The following DCUN1D5 variants were observed in gnomAD, a reference collection of about 807,000 sequenced individuals.
DCUN1D5 encodes defective in cullin neddylation 1 domain containing 5.
DCUN1D5 carries 10 observed loss-of-function variants against 38.3 expected under a neutral mutation model. The ratio of observed to expected loss-of-function variants is 0.26; its 90% confidence interval spans 0.16 to 0.44. The LOEUF is 0.44. DCUN1D5 is among the 20% of genes least tolerant of loss of function. The pLI is 1.00. For synonymous variants in DCUN1D5, 93 were observed against 90.9 expected (o/e 1.02, Z -0.13); for missense variants, 148 against 275.3 (o/e 0.54, Z 3.27).
intron 4 of DCUN1D5, among the ~76,000 whole-genome samples, chr11:103,076,606 A>C (rs1344242249): frequency 6.6e-6 from 1 of 152,168 alleles, no homozygotes; most frequent in African/African-American, 2.4e-5. Context: ...CTGTTTCCTC[A>C]TTTTTAAAAC....
In DCUN1D5 at chr11:103,063,122, A is replaced by G. The variant is rs1370483644; in HGVS notation, c.659-708T>C. ...GACAGACATGTTTCTCTATCGTAAGAAAAGCAGCAGAGCACATATGATAAT... is the reference window on the plus strand; with the variant it reads ...GACAGACATGTTTCTCTATCGTAAGGAAAGCAGCAGAGCACATATGATAAT... On this transcript the variant is annotated intron_variant, in intron 7 of 7. Transcript: ENST00000260247. The surrounding 1 kb of genome is among the most constrained non-coding windows in gnomAD (Gnocchi z 4.6). Among the ~76,000 whole-genome samples, 1 of 152,126 alleles carries G rather than the reference A, an allele frequency of 6.6e-6. No individual in the cohort carries two copies. Among genetic ancestry groups the G allele is most frequent in the Non-Finnish European group, 1.5e-5 (1 of 67,982 alleles).
At position 103,051,116 on chromosome 11, in the gene DCUN1D5, T is replaced by C. The variant is rs894708087; in HGVS notation, c.*11243A>G. On this transcript the variant is annotated 3_prime_UTR_variant, in exon 8 of 8. Coordinates refer to ENST00000260247, the MANE Select transcript of DCUN1D5 (RefSeq NM_032299.4). Reference sequence around the variant, plus strand: ...AAGCTTACCATCACCAATTCATACATTGGAAGTTCAAGAACCAGATTTCCC... The same window carrying C: ...AAGCTTACCATCACCAATTCATACACTGGAAGTTCAAGAACCAGATTTCCC... 2.6e-5 allele frequency: 4 copies of C among 152,316 alleles called. No homozygotes were observed. The East Asian group carries it at 5.8e-4, about 22-fold the overall frequency. 9.4% of individuals were successfully genotyped at this position (152,316 alleles called of 1,614,324 possible).
chr11:103,082,701 G>T, intron 4 of DCUN1D5, 47 bp downstream of exon 4: 1 of 1,221,400 alleles, frequency 8.2e-7, no homozygotes, highest in Non-Finnish European at 1.2e-6. Flanking sequence ...TATCAATTAA[G>T]ATCTTCAAAT....
rs951130886 is a variant in DCUN1D5 at position 103,077,795 on chromosome 11, C to G, written c.341+4953G>C. ...CACAAAGTTCTGGATTTAGAACTTC[C>G]TCTAAATAAGCTTTCTCAACCAGAA... On this transcript the variant is annotated intron_variant, in intron 4 of 7. Transcript: ENST00000260247. The surrounding 1 kb of genome is among the most constrained non-coding windows in gnomAD (Gnocchi z 4.3). Among the ~76,000 whole-genome samples the G allele has an allele frequency of 6.6e-6, 1 of 152,128 alleles. No individual in the cohort carries two copies. The highest frequency in any genetic ancestry group is 2.4e-5 in the African/African-American group (1 of 41,406).
intron 4 of DCUN1D5, among the ~76,000 whole-genome samples, chr11:103,079,693 A>G (rs750563128): frequency 3.3e-5 from 5 of 151,678 alleles, no homozygotes; most frequent in African/African-American, 7.3e-5. Flanking sequence ...CTGAAGTGGG[A>G]GGATTACTTG....
At chr11:103,088,778 G>T (rs1015234321) in intron 2 of DCUN1D5, among the ~76,000 whole-genome samples, 2 of 152,166 alleles carry the variant, frequency 1.3e-5, no homozygotes, top group African/African-American at 4.8e-5. Context: ...TAACTGAGGG[G>T]TTTAAATCTT....
At chr11:103,069,214 T>C (rs1292847041) in intron 4 of DCUN1D5, among the ~76,000 whole-genome samples, 1 of 152,204 alleles carries the variant, frequency 6.6e-6, no homozygotes, top group Admixed American at 6.5e-5. Flanking sequence ...TCTGGGTTTC[T>C]TTTTGCCTAA....
intron 4 of DCUN1D5, among the ~76,000 whole-genome samples, chr11:103,074,747 G>T (rs946129866): frequency 6.6e-6 from 1 of 152,010 alleles, no homozygotes; most frequent in Non-Finnish European, 1.5e-5. Flanking sequence ...TTAATTATTC[G>T]GAGTCTGATA....
rs535306493 is a variant in DCUN1D5 at position 103,086,408 on chromosome 11, G to A, written c.178+2819C>T. Among the ~76,000 whole-genome samples the A allele has an allele frequency of 4.0e-5, 6 of 151,886 alleles. No individual in the cohort carries two copies. The highest frequency in any genetic ancestry group is 2.0e-4 in the Admixed American group (3 of 15,278). ...AAAATTATTGGCTTCATTTTAATAC[G>A]GACATACCCATTTCAAGACAGAACA... On this transcript the variant is annotated intron_variant, in intron 2 of 7. Transcript: ENST00000260247. The surrounding 1 kb of genome is among the most constrained non-coding windows in gnomAD (Gnocchi z 4.1).
Position 103,092,109 on chromosome 11 carries a change from A to G in DCUN1D5, c.-237T>C. 1 of 487,708 alleles carries G rather than the reference A, an allele frequency of 2.1e-6. No homozygotes were observed. 30.2% of individuals were successfully genotyped at this position (487,708 alleles called of 1,614,324 possible). A position where few individuals can be genotyped will look rare whatever the true frequency, so the allele number is the denominator to read the frequency against. On this transcript the variant is annotated 5_prime_UTR_variant, in exon 1 of 8. Coordinates refer to ENST00000260247, the MANE Select transcript of DCUN1D5 (RefSeq NM_032299.4). The stretch of plus-strand genomic sequence containing the variant: ...CCGGTGGACACTGCGGTTCGTTCTC[A>G]CCGGGAGGAGATAACGCGGACAGCG...
At position 103,087,463 on chromosome 11, in the gene DCUN1D5, C is replaced by G. The variant is rs1168338077; in HGVS notation, c.178+1764G>C. 6.6e-6 allele frequency among the ~76,000 whole-genome samples: 1 copy of G among 152,114 alleles called. No homozygotes were observed. The highest frequency in any genetic ancestry group is 1.5e-5 in the Non-Finnish European group (1 of 68,022). On this transcript the variant is annotated intron_variant, in intron 2 of 7. Transcript: ENST00000260247. The surrounding 1 kb of genome is among the most constrained non-coding windows in gnomAD (Gnocchi z 4.1). ...GAGATTACAGACGTGAGCCACCACA[C>G]CCGGCTGAAACCCCATTTCTACAAA...
chr11:103,079,161 A>G (rs150938724), intron 4 of DCUN1D5, among the ~76,000 whole-genome samples: 1 of 152,274 alleles, frequency 6.6e-6, no homozygotes, highest in African/African-American at 2.4e-5. Flanking sequence ...CATGCGCCTT[A>G]TGAGAATCTA....
chr11:103,064,446 T>C lies in DCUN1D5; in HGVS notation c.556-69A>G. 8.2e-7 allele frequency: 1 copy of C among 1,225,016 alleles called. No individual in the cohort carries two copies. Among genetic ancestry groups the C allele is most frequent in the Non-Finnish European group, 1.1e-6 (1 of 892,722 alleles). The allele number at this position is 1,225,016 out of a possible 1,614,324, so 75.9% of individuals were successfully genotyped here. On this transcript the variant is annotated intron_variant, in intron 6 of 7. Transcript: ENST00000260247. This position sits in a 1 kb window ranked among gnomAD's most constrained non-coding sequence, Gnocchi z 4.5. ...ACATCATTTACTCAATTTAGTAAAC[T>C]AAGTTTTAACTGTTTTTGTGATTTG...
rs1861835227 is a variant in DCUN1D5 at position 103,054,892 on chromosome 11, G to A, written c.*7467C>T. ...GCACTAGAAAAAAACATAGTAGATG[G>A]CAAACCTGTCACATAAGAAACAACT... On this transcript the variant is annotated 3_prime_UTR_variant, in exon 8 of 8. Transcript: ENST00000260247. The A allele has an allele frequency of 2.0e-5, 3 of 152,014 alleles. 1 individual carries two copies. In the South Asian group the frequency reaches 6.2e-4, roughly 31 times the overall value. 9.4% of individuals were successfully genotyped at this position (152,014 alleles called of 1,614,324 possible). A position where few individuals can be genotyped will look rare whatever the true frequency, so the allele number is the denominator to read the frequency against.
intron 4 of DCUN1D5, among the ~76,000 whole-genome samples, chr11:103,069,471 G>T (rs755928123): frequency 6.6e-6 from 1 of 152,148 alleles, no homozygotes; most frequent in Non-Finnish European, 1.5e-5. Context: ...CCCTTACCAG[G>T]ATATAATAAA....
In DCUN1D5 at chr11:103,064,649, T is replaced by G. The variant is rs748183497; in HGVS notation, c.556-272A>C. The stretch of plus-strand genomic sequence containing the variant: ...TAACTTTTTCATATGTATATACTTG[T>G]GTTACCACCAATGAGATCAAGATAT... On this transcript the variant is annotated intron_variant, in intron 6 of 7. Coordinates refer to ENST00000260247, the MANE Select transcript of DCUN1D5 (RefSeq NM_032299.4). The surrounding 1 kb of genome is among the most constrained non-coding windows in gnomAD (Gnocchi z 4.5). Among the ~76,000 whole-genome samples the G allele has an allele frequency of 3.9e-5, 6 of 152,224 alleles. No homozygotes were observed. The highest frequency in any genetic ancestry group is 8.8e-5 in the Non-Finnish European group (6 of 68,032).
At position 103,072,778 on chromosome 11, in the gene DCUN1D5, G is replaced by A. The variant is rs1305970987; in HGVS notation, c.342-6211C>T. Among the ~76,000 whole-genome samples the A allele has an allele frequency of 9.5e-3, 989 of 104,578 alleles. 15 individuals are homozygous for A. Among genetic ancestry groups the A allele is most frequent in the African/African-American group, 0.033 (911 of 27,452 alleles). 68.6% of individuals were successfully genotyped at this position (104,578 alleles called of 152,430 possible). ...CCTGTCGGGGGGTGGGGGGAGGGGGGAGGGATAGCATTAGGAGATATACCT... is the reference window on the plus strand; with the variant it reads ...CCTGTCGGGGGGTGGGGGGAGGGGGAAGGGATAGCATTAGGAGATATACCT... On this transcript the variant is annotated intron_variant, in intron 4 of 7. Coordinates refer to ENST00000260247, the MANE Select transcript of DCUN1D5 (RefSeq NM_032299.4).
In DCUN1D5 at chr11:103,056,921, C is replaced by T. The variant is rs1024868276; in HGVS notation, c.*5438G>A. Among the ~76,000 whole-genome samples the T allele has an allele frequency of 5.3e-5, 8 of 152,062 alleles. No individual in the cohort carries two copies. Among genetic ancestry groups the T allele is most frequent in the African/African-American group, 1.4e-4 (6 of 41,408 alleles). On this transcript the variant is annotated 3_prime_UTR_variant, in exon 8 of 8. Coordinates refer to ENST00000260247, the MANE Select transcript of DCUN1D5 (RefSeq NM_032299.4). The surrounding 1 kb of genome is among the most constrained non-coding windows in gnomAD (Gnocchi z 4.9). ...CTGTGGATAGGGCCTATTTGAACTT[C>T]GTAACAATACTGGTAGGTATCATTA...
chr11:103,084,987 AAAAAAAT>A (rs1477866987), intron 2 of DCUN1D5, among the ~76,000 whole-genome samples: 1 of 152,190 alleles, frequency 6.6e-6, no homozygotes, highest in Non-Finnish European at 1.5e-5. Flanking sequence ...CCTGTCTCAA[AAAAAAAT>A]AAAAAATAAA....
Sources: allele counts gnomAD v4.1 joint callset (sites outside exome capture counted in the v4.1 genomes callset), GRCh38; gene constraint gnomAD v4.1.1; non-coding constraint Gnocchi (gnomAD v3.1); transcripts MANE v1.5; gene names NCBI Gene and HGNC (gene_info 2026-07-23, HGNC 2026-07-21).